The following FAM220A variants were observed in gnomAD, a reference collection of about 807,000 sequenced individuals.
FAM220A encodes the protein protein FAM220A.
For missense variants in FAM220A, 392 were observed against 321.6 expected, an observed-to-expected ratio of 1.22 and a Z score of -1.68; for synonymous variants, 141 against 130.7, an observed-to-expected ratio of 1.08 and a Z score of -0.54.
intron 1 of FAM220A, among the ~76,000 whole-genome samples, chr7:6,339,963 C>A (rs1781819306): frequency 1.3e-5 from 2 of 152,122 alleles, no homozygotes. Context: ...CAGCTCACTG[C>A]AACCTCCACC....
intron 1 of FAM220A, among the ~76,000 whole-genome samples, chr7:6,346,297 A>G (rs1781950552): frequency 6.6e-6 from 1 of 152,150 alleles, no homozygotes; most frequent in East Asian, 1.9e-4. Flanking sequence ...GTATAATTTC[A>G]GAATGCTACA....
intron 1 of FAM220A, among the ~76,000 whole-genome samples, chr7:6,335,821 G>C (rs1781732301): frequency 6.6e-6 from 1 of 152,094 alleles, no homozygotes; most frequent in African/African-American, 2.4e-5. Context: ...GATGGCTTGA[G>C]CCCAGGGGTG....
At chr7:6,335,292 G>A (rs372672092) in intron 1 of FAM220A, among the ~76,000 whole-genome samples, 8 of 151,142 alleles carry the variant, frequency 5.3e-5, no homozygotes, top group East Asian at 3.9e-4. Flanking sequence ...GCACAATCTC[G>A]GCTCACTACA....
intron 1 of FAM220A, among the ~76,000 whole-genome samples, chr7:6,346,670 C>A (rs952678229): frequency 2.6e-5 from 4 of 152,142 alleles, no homozygotes; most frequent in African/African-American, 9.7e-5. Context: ...CAGGAGTGAG[C>A]TACTGTGCCC....
intron 1 of FAM220A, among the ~76,000 whole-genome samples, chr7:6,337,684 G>C (rs981899536): frequency 6.6e-6 from 1 of 151,178 alleles, no homozygotes; most frequent in Non-Finnish European, 1.5e-5. Context: ...CATTTAATAA[G>C]GTAAACATGT....
In FAM220A at chr7:6,331,130, C is replaced by T. The variant is rs141431226; in HGVS notation, c.25G>A (p.Gly9Ser). Residue 9 changes from glycine (G) to serine (S), a missense_variant, in exon 2 of 2, where the codon GGC becomes AGC. By Grantham distance (56) the Gly-to-Ser change is moderately conservative. Transcript: ENST00000313324. MRDRRGPL[G>S]TCLAQVQQAG... ...TGCTGCACTTGTGCCAGGCAGGTGC[C>T]GAGGGGCCCTCTTCTGTCCCTCATG... The T allele has an allele frequency of 1.7e-5, 27 of 1,612,872 alleles. No homozygotes were observed. The highest frequency in any genetic ancestry group is 4.5e-5 in the East Asian group (2 of 44,900).
At chr7:6,335,752 A>G (rs1052828841) in intron 1 of FAM220A, among the ~76,000 whole-genome samples, 4 of 152,152 alleles carry the variant, frequency 2.6e-5, no homozygotes, top group African/African-American at 9.7e-5. Context: ...TATTTGAACC[A>G]GGCCAGGTGC....
At chr7:6,333,037 A>T (rs529729066) in intron 1 of FAM220A, among the ~76,000 whole-genome samples, 1 of 151,684 alleles carries the variant, frequency 6.6e-6, no homozygotes, top group Admixed American at 6.6e-5. Flanking sequence ...GGTGCCTGTA[A>T]TCCCAGCTAC....
At chr7:6,348,235 G>GC (rs1187328247) in intron 1 of FAM220A, among the ~76,000 whole-genome samples, 3 of 151,064 alleles carry the variant, frequency 2.0e-5, no homozygotes, top group Non-Finnish European at 2.9e-5. Context: ...AAAAATAAGG[G>GC]GGGGGGTTGC....
At position 6,331,843 on chromosome 7, in the gene FAM220A, C is replaced by T. The variant is rs567135960; in HGVS notation, c.-81-608G>A. ...GCAACCACTACCTCTCAGGTTCGAG[C>T]GATTCTCCTGCCTTAGCCTTTTGAG... On this transcript the variant is annotated intron_variant, in intron 1 of 1. Coordinates refer to ENST00000313324, the MANE Select transcript of FAM220A (RefSeq NM_001037163.2). Among the ~76,000 whole-genome samples the T allele has an allele frequency of 4.4e-4, 66 of 149,114 alleles. No homozygotes were observed. In the South Asian group the frequency reaches 0.012, roughly 28 times the overall value.
At chr7:6,335,807 G>A (rs1368078309) in intron 1 of FAM220A, among the ~76,000 whole-genome samples, 1 of 152,118 alleles carries the variant, frequency 6.6e-6, no homozygotes, top group Non-Finnish European at 1.5e-5. Flanking sequence ...GGCACAGACA[G>A]AAGGATGGCT....
At chr7:6,336,174 A>G (rs1262155543) in intron 1 of FAM220A, among the ~76,000 whole-genome samples, 1 of 144,942 alleles carries the variant, frequency 6.9e-6, no homozygotes, top group African/African-American at 2.5e-5. Flanking sequence ...TTTTGCCTCA[A>G]AAAAAAAAAA....
intron 1 of FAM220A, among the ~76,000 whole-genome samples, chr7:6,340,781 C>A (rs1781836492): frequency 6.6e-6 from 1 of 151,256 alleles, no homozygotes; most frequent in South Asian, 2.1e-4. Flanking sequence ...CACCTATAGT[C>A]CCAGCTACTC....
intron 1 of FAM220A, among the ~76,000 whole-genome samples, chr7:6,333,625 T>G (rs911988816): frequency 6.6e-6 from 1 of 151,484 alleles, no homozygotes; most frequent in Non-Finnish European, 1.5e-5. Context: ...CAGCCTCCTG[T>G]GTCACTGGGA....
At chr7:6,339,607 C>G (rs959426856) in intron 1 of FAM220A, among the ~76,000 whole-genome samples, 1 of 151,840 alleles carries the variant, frequency 6.6e-6, no homozygotes, top group Non-Finnish European at 1.5e-5. Context: ...CCTCAGCCTC[C>G]GGAGTAGCTG....
intron 1 of FAM220A, among the ~76,000 whole-genome samples, chr7:6,342,665 A>G (rs976085095): frequency 4.6e-5 from 7 of 152,198 alleles, no homozygotes; most frequent in South Asian, 2.1e-4. Flanking sequence ...AAATGTTCGT[A>G]GTAACATTAT....
chr7:6,347,553 A>C (rs1781976929), intron 1 of FAM220A, among the ~76,000 whole-genome samples: 1 of 151,854 alleles, frequency 6.6e-6, no homozygotes, highest in Non-Finnish European at 1.5e-5. Context: ...TTTACAGCAA[A>C]GGCGGTCTCC....
intron 1 of FAM220A, among the ~76,000 whole-genome samples, chr7:6,343,691 C>G (rs933305461): frequency 6.6e-6 from 1 of 151,962 alleles, no homozygotes; most frequent in African/African-American, 2.4e-5. Context: ...CATAACCATT[C>G]TCAGTATACA....
intron 1 of FAM220A, chr7:6,338,766 C>T (rs1781794591): frequency 6.6e-6 from 1 of 152,362 alleles, no homozygotes; most frequent in South Asian, 2.1e-4. Context: ...CTATTCCTGG[C>T]CTCCAGGGCA....
Sources: gnomAD v4.1 joint callset for allele counts (sites outside exome capture counted in the v4.1 genomes callset) on GRCh38, gnomAD v4.1.1 for gene constraint, MANE v1.5 for transcripts, NCBI Gene and HGNC (gene_info 2026-07-23, HGNC 2026-07-21) for gene names.